CTNNA2: variants seen among roughly 807,000 people sequenced by gnomAD.
The protein encoded by CTNNA2 is catenin alpha-2.
CTNNA2 carries 42 observed loss-of-function variants against 101.0 expected under a neutral mutation model. The ratio of observed to expected loss-of-function variants is 0.42; its 90% confidence interval spans 0.32 to 0.54. The LOEUF (loss-of-function observed/expected upper bound fraction) is 0.54, where lower values mean the gene tolerates loss of function less well. Among genes scored for constraint, CTNNA2 ranks in the 20% least tolerant of loss-of-function variants. CTNNA2 has a pLI of 0.14. For synonymous variants in CTNNA2, 450 were observed against 456.4 expected (o/e 0.99, Z 0.18); for missense variants, 871 against 1,223.1 (o/e 0.71, Z 4.29).
intron 7 of CTNNA2, among the ~76,000 whole-genome samples, chr2:80,282,758 C>T (rs1056209889): frequency 6.6e-6 from 1 of 152,042 alleles, no homozygotes; most frequent in African/African-American, 2.4e-5. Flanking sequence ...AAAACAACAC[C>T]TGTTGCTTAC....
chr2:79,809,806 A>G lies in CTNNA2; in HGVS notation c.299-48207A>G, dbSNP rs554784541. Among the ~76,000 whole-genome samples, 30 of 152,236 alleles carry G rather than the reference A, an allele frequency of 2.0e-4. No individual in the cohort carries two copies. In the Middle Eastern group the frequency reaches 0.017, roughly 86 times the overall value. On this transcript the variant is annotated intron_variant, in intron 3 of 18. Coordinates refer to ENST00000402739, the MANE Select transcript of CTNNA2 (RefSeq NM_001282597.3). Reference sequence around the variant, plus strand: ...TAGTTTAATTAGATCCCGTTTGTCAATTTTGGCTTTTGTTGCCATTACTTT... The same window carrying G: ...TAGTTTAATTAGATCCCGTTTGTCAGTTTTGGCTTTTGTTGCCATTACTTT...
chr2:80,261,000 G>T (rs1018592229), intron 7 of CTNNA2, among the ~76,000 whole-genome samples: 3 of 152,142 alleles, frequency 2.0e-5, no homozygotes, highest in Admixed American at 2.0e-4. Context: ...TGACAGTGTA[G>T]CGATCCACCT....
intron 4 of CTNNA2, among the ~76,000 whole-genome samples, chr2:79,395,936 C>T (rs78336600): frequency 6.6e-6 from 1 of 152,248 alleles, no homozygotes; most frequent in African/African-American, 2.4e-5. Flanking sequence ...CAAAGACTAG[C>T]ACATAGTACA....
chr2:80,389,172 C>T (rs75038681), intron 7 of CTNNA2, among the ~76,000 whole-genome samples: 30 of 151,862 alleles, frequency 2.0e-4, no homozygotes, highest in Admixed American at 2.0e-3. Flanking sequence ...ATTTTTTTTC[C>T]ACATCAAAAA....
chr2:80,551,563 T>C (rs557900181), intron 11 of CTNNA2, among the ~76,000 whole-genome samples: 7 of 152,352 alleles, frequency 4.6e-5, no homozygotes, highest in Middle Eastern at 3.4e-3. Flanking sequence ...TGCACTTTTA[T>C]GTTATGGAGA....
intron 18 of CTNNA2, among the ~76,000 whole-genome samples, chr2:80,629,655 G>A (rs986288397): frequency 6.6e-6 from 1 of 152,104 alleles, no homozygotes; most frequent in Admixed American, 6.6e-5. Flanking sequence ...TCTTCAGGCT[G>A]GTTCAGTCTA....
At chr2:80,145,027 C>A (rs752715847) in intron 7 of CTNNA2, among the ~76,000 whole-genome samples, 8 of 152,134 alleles carry the variant, frequency 5.3e-5, no homozygotes, top group Non-Finnish European at 1.2e-4. Flanking sequence ...GGCAAAATCA[C>A]CCTTGGTTGA....
At chr2:79,554,458 G>A (rs1389447066) in intron 1 of CTNNA2, among the ~76,000 whole-genome samples, 1 of 152,060 alleles carries the variant, frequency 6.6e-6, no homozygotes. Flanking sequence ...TTTATACACT[G>A]TACTATAGAG....
intron 2 of CTNNA2, among the ~76,000 whole-genome samples, chr2:79,700,105 T>G (rs1022352882): frequency 6.6e-6 from 1 of 151,918 alleles, no homozygotes; most frequent in Non-Finnish European, 1.5e-5. Flanking sequence ...ATTATTCAAA[T>G]GTAATCAACA....
chr2:79,475,791 T>C (rs1671044357), intron 4 of CTNNA2, among the ~76,000 whole-genome samples: 1 of 152,144 alleles, frequency 6.6e-6, no homozygotes, highest in Non-Finnish European at 1.5e-5. Flanking sequence ...AGATAGAATG[T>C]TAACAGGCCA....
chr2:80,179,902 A>G (rs1358891195), intron 7 of CTNNA2, among the ~76,000 whole-genome samples: 1 of 152,158 alleles, frequency 6.6e-6, no homozygotes, highest in African/African-American at 2.4e-5. Flanking sequence ...GCATTCTGGC[A>G]CTGGAGAAGT....
At chr2:80,634,309 A>G (rs1276656985) in intron 18 of CTNNA2, among the ~76,000 whole-genome samples, 1 of 152,164 alleles carries the variant, frequency 6.6e-6, no homozygotes, top group Non-Finnish European at 1.5e-5. Context: ...GTTTTCACCA[A>G]GATGCTGATA....
At chr2:80,391,432 C>T (rs1037487704) in intron 7 of CTNNA2, among the ~76,000 whole-genome samples, 2 of 152,092 alleles carry the variant, frequency 1.3e-5, no homozygotes, top group East Asian at 1.9e-4. Flanking sequence ...GTTTAGTAAT[C>T]GATCCTCCAT....
intron 5 of CTNNA2, among the ~76,000 whole-genome samples, chr2:79,873,269 T>G (rs1250191742): frequency 6.6e-6 from 1 of 152,192 alleles, no homozygotes; most frequent in Non-Finnish European, 1.5e-5. Context: ...GCCCATGCAA[T>G]CAATTTACCT....
chr2:79,714,107 C>G (rs1030996330), intron 2 of CTNNA2, among the ~76,000 whole-genome samples: 1 of 152,124 alleles, frequency 6.6e-6, no homozygotes, highest in Non-Finnish European at 1.5e-5. Flanking sequence ...TAGCATACAG[C>G]CTTGCCTTTC....
intron 7 of CTNNA2, among the ~76,000 whole-genome samples, chr2:80,330,895 T>A (rs2149262465): frequency 6.6e-6 from 1 of 152,344 alleles, no homozygotes; most frequent in East Asian, 1.9e-4. Flanking sequence ...GTGAATTATG[T>A]CTTGTTGGGG....
chr2:80,266,920 C>A (rs958721179), intron 7 of CTNNA2, among the ~76,000 whole-genome samples: 17 of 152,082 alleles, frequency 1.1e-4, no homozygotes, highest in Admixed American at 6.6e-5. Context: ...AGTCCTAATA[C>A]CTTAAGGCAT....
chr2:79,909,950 G>C (rs189018365), intron 7 of CTNNA2, among the ~76,000 whole-genome samples, 153 bp downstream of exon 7: 4 of 152,180 alleles, frequency 2.6e-5, no homozygotes, highest in Non-Finnish European at 5.9e-5. Context: ...GGGAGAGCGC[G>C]TGTCGTGTGT....
chr2:79,838,164 A>G (rs543921178), intron 3 of CTNNA2, among the ~76,000 whole-genome samples: 2 of 152,306 alleles, frequency 1.3e-5, no homozygotes, highest in African/African-American at 4.8e-5. Context: ...AAATATTAAA[A>G]TTATACTCAT....
Sources: allele counts gnomAD v4.1 joint callset (sites outside exome capture counted in the v4.1 genomes callset), GRCh38; gene constraint gnomAD v4.1.1; transcripts MANE v1.5; gene names NCBI Gene and HGNC (gene_info 2026-07-23, HGNC 2026-07-21).